TRAPPC9: variants seen among roughly 807,000 people sequenced by gnomAD.
The protein encoded by TRAPPC9 is trafficking protein particle complex subunit 9.
Under a neutral mutation model 124.0 loss-of-function variants are expected in TRAPPC9, and 83 were observed. That is an observed-to-expected ratio of 0.67 (90% CI 0.56 to 0.80). The LOEUF (loss-of-function observed/expected upper bound fraction) is 0.80. TRAPPC9 is among the 30% of genes least tolerant of loss of function. The pLI is 0.00. For missense variants in TRAPPC9, 1,302 were observed against 1,508.3 expected (o/e 0.86, Z 2.27); for synonymous variants, 638 against 617.5 (o/e 1.03, Z -0.49).
chr8:140,358,563 C>G (rs2067826610), intron 9 of TRAPPC9, among the ~76,000 whole-genome samples: 1 of 152,196 alleles, frequency 6.6e-6, no homozygotes, highest in South Asian at 2.1e-4. Flanking sequence ...CCCACGTTAC[C>G]CTGGAGCCAG....
intron 19 of TRAPPC9, chr8:139,911,359 C>T (rs533218050): frequency 2.6e-5 from 4 of 152,304 alleles, no homozygotes; most frequent in African/African-American, 4.8e-5. Context: ...ATGTCTTCAT[C>T]AGCAGCATAA....
At chr8:140,101,532 CTTTTTTTTGTTT>C (rs1269301545) in intron 17 of TRAPPC9, among the ~76,000 whole-genome samples, 2 of 78,722 alleles carry the variant, frequency 2.5e-5, no homozygotes, top group East Asian at 4.5e-4. Context: ...GTAGGGTTTT[CTTTTTTTTGTTT>C]TTTTTTTTTT....
intron 21 of TRAPPC9, among the ~76,000 whole-genome samples, chr8:139,765,005 C>T (rs1421723502): frequency 6.6e-6 from 1 of 152,158 alleles, no homozygotes; most frequent in African/African-American, 2.4e-5. Context: ...GTCTTCAGGC[C>T]ACATAAGACA....
At chr8:140,368,354 G>C (rs975603841) in intron 8 of TRAPPC9, among the ~76,000 whole-genome samples, 15 of 152,154 alleles carry the variant, frequency 9.9e-5, no homozygotes, top group Admixed American at 9.8e-4. Flanking sequence ...CTCCCTGCCA[G>C]ATCTCAGCCA....
intron 19 of TRAPPC9, among the ~76,000 whole-genome samples, chr8:139,987,507 T>TAA (rs142010835): frequency 1.3e-5 from 2 of 151,462 alleles, no homozygotes; most frequent in African/African-American, 4.8e-5. Context: ...GTTGCTATTT[T>TAA]AAAAAACATT....
chr8:140,018,061 T>C (rs1305224293), intron 18 of TRAPPC9, among the ~76,000 whole-genome samples: 1 of 152,106 alleles, frequency 6.6e-6, no homozygotes, highest in African/African-American at 2.4e-5. Context: ...GCCAGGCTGG[T>C]CTTGAACTCC....
rs377686252 is a variant in TRAPPC9, at chr8:139,881,663, T to C, written c.3055+4216A>G. The stretch of plus-strand genomic sequence containing the variant: ...TGAAAAAAAGAGCTGGCCTACCAAC[T>C]GCTAACCATCTCTCTATGCCAGAAA... On this transcript the variant is annotated intron_variant, in intron 21 of 22. Transcript: ENST00000438773. Among the ~76,000 whole-genome samples, 346 of 101,738 alleles carry C rather than the reference T, an allele frequency of 3.4e-3. 3 individuals carry two copies. The highest frequency in any genetic ancestry group is 0.024 in the East Asian group (66 of 2,790). The allele number at this position is 101,738 out of a possible 152,430, so 66.7% of individuals were successfully genotyped here. A position where few individuals can be genotyped will look rare whatever the true frequency, so the allele number is the denominator to read the frequency against.
intron 19 of TRAPPC9, among the ~76,000 whole-genome samples, chr8:139,969,198 C>T (rs780545100): frequency 1.3e-5 from 2 of 152,262 alleles, no homozygotes; most frequent in Non-Finnish European, 2.9e-5. Context: ...GATCCAGTGT[C>T]GCTGCTTTGG....
chr8:140,240,877 A>C (rs2063841939), intron 16 of TRAPPC9, among the ~76,000 whole-genome samples: 1 of 152,176 alleles, frequency 6.6e-6, no homozygotes, highest in Non-Finnish European at 1.5e-5. Flanking sequence ...CCATCATACC[A>C]GCCTTCTTTT....
chr8:140,301,740 C>T (rs1264338650), intron 10 of TRAPPC9, among the ~76,000 whole-genome samples: 1 of 152,212 alleles, frequency 6.6e-6, no homozygotes, highest in Non-Finnish European at 1.5e-5. Flanking sequence ...GAGCTCTGGC[C>T]AGTAGGTTGT....
At chr8:139,915,148 A>C (rs939448638) in intron 19 of TRAPPC9, among the ~76,000 whole-genome samples, 2 of 145,638 alleles carry the variant, frequency 1.4e-5, no homozygotes, top group African/African-American at 5.2e-5. Flanking sequence ...GGGCTCCTGG[A>C]GGGTGGCGGT....
intron 7 of TRAPPC9, 122 bp from the exon 8 acceptor site, chr8:140,371,302 G>A: frequency 9.0e-7 from 1 of 1,113,448 alleles, no homozygotes; most frequent in Non-Finnish European, 1.3e-6. Flanking sequence ...GAATCAAGGA[G>A]AGGGAAAGCC....
At chr8:140,315,233 C>CTTTTTTTTTTTT (rs61220260) in intron 9 of TRAPPC9, among the ~76,000 whole-genome samples, 3 of 107,176 alleles carry the variant, frequency 2.8e-5, no homozygotes, top group Admixed American at 1.0e-4. Context: ...ATTTGTATGT[C>CTTTTTTTTTTTT]TTTTTTTTTT....
chr8:140,363,673 C>T (rs1322711768), intron 8 of TRAPPC9, among the ~76,000 whole-genome samples: 1 of 152,034 alleles, frequency 6.6e-6, no homozygotes, highest in African/African-American at 2.4e-5. Flanking sequence ...TCTTGGTTCA[C>T]TGCAACTTAT....
chr8:140,457,304 G>A (rs2071714088), intron 1 of TRAPPC9, among the ~76,000 whole-genome samples: 1 of 152,226 alleles, frequency 6.6e-6, no homozygotes, highest in Admixed American at 6.5e-5. Context: ...CAGAGGGGAA[G>A]GGGACCCCCG....
chr8:140,372,681 C>A (rs966596626), intron 7 of TRAPPC9, among the ~76,000 whole-genome samples: 4 of 152,136 alleles, frequency 2.6e-5, no homozygotes, highest in African/African-American at 9.7e-5. Context: ...AATTAGTGCC[C>A]TTATAAGAAG....
intron 8 of TRAPPC9, among the ~76,000 whole-genome samples, chr8:140,368,037 G>A (rs2068173197): frequency 6.6e-6 from 1 of 152,192 alleles, no homozygotes; most frequent in Non-Finnish European, 1.5e-5. Flanking sequence ...CTTTGTGTAT[G>A]ACCTCTCCAG....
chr8:139,881,568 C>G (rs1829674625), intron 21 of TRAPPC9, among the ~76,000 whole-genome samples: 1 of 152,200 alleles, frequency 6.6e-6, no homozygotes, highest in Non-Finnish European at 1.5e-5. Flanking sequence ...TGATGACTGT[C>G]CTCAGATGGC....
intron 18 of TRAPPC9, among the ~76,000 whole-genome samples, chr8:140,011,144 G>A (rs1030372496): frequency 2.1e-4 from 32 of 152,038 alleles, no homozygotes; most frequent in African/African-American, 5.3e-4. Context: ...GTTCAAGACC[G>A]GCCTGGCCAA....
Sources: gnomAD v4.1 joint callset for allele counts (sites outside exome capture counted in the v4.1 genomes callset) on GRCh38, gnomAD v4.1.1 for gene constraint, MANE v1.5 for transcripts, NCBI Gene and HGNC (gene_info 2026-07-23, HGNC 2026-07-21) for gene names.